The following PIP5K1B variants were observed in gnomAD, a reference collection of about 807,000 sequenced individuals.
PIP5K1B encodes the protein phosphatidylinositol-4-phosphate 5-kinase type 1 beta.
A neutral mutation model predicts 67.0 loss-of-function variants in PIP5K1B; 42 were observed. That is an observed-to-expected ratio of 0.63 (90% CI 0.49 to 0.81). The LOEUF (loss-of-function observed/expected upper bound fraction) is 0.81, where lower values mean the gene tolerates loss of function less well. Ranked by LOEUF, PIP5K1B falls within the 30% of genes least tolerant of loss-of-function variation. The pLI, the probability that PIP5K1B is intolerant of heterozygous loss-of-function variation, is 0.00. For missense variants in PIP5K1B, 459 were observed against 646.3 expected, an observed-to-expected ratio of 0.71 and a Z score of 3.14; for synonymous variants, 214 against 231.4, an observed-to-expected ratio of 0.92 and a Z score of 0.68.
chr9:68,879,428 C>T (rs556068979), intron 6 of PIP5K1B, among the ~76,000 whole-genome samples: 5 of 152,086 alleles, frequency 3.3e-5, no homozygotes, highest in East Asian at 1.9e-4. Context: ...ATTAGATGGG[C>T]GTGGTGGCAC....
chr9:68,902,651 G>A (rs1156566991), intron 8 of PIP5K1B, among the ~76,000 whole-genome samples: 2 of 152,122 alleles, frequency 1.3e-5, no homozygotes, highest in Admixed American at 1.3e-4. Flanking sequence ...TATGTCATAT[G>A]GTAAGTGCGT....
rs183709983 is a variant in PIP5K1B at position 68,779,130 on chromosome 9, A to G, written c.-86+36473A>G. Among the ~76,000 whole-genome samples the G allele has an allele frequency of 9.3e-4, 118 of 127,120 alleles. No individual in the cohort carries two copies. The East Asian group carries it at 0.022, about 24-fold the overall frequency. 83.4% of individuals were successfully genotyped at this position (127,120 alleles called of 152,430 possible). On this transcript the variant is annotated intron_variant, in intron 2 of 15. Transcript: ENST00000265382. Reference sequence around the variant, plus strand: ...TGTTTGGCACATAGTAAGTATGCTGAAAAAAAAAAACCTTGACTGACTGAA... The same window carrying G: ...TGTTTGGCACATAGTAAGTATGCTGGAAAAAAAAAACCTTGACTGACTGAA...
intron 14 of PIP5K1B, among the ~76,000 whole-genome samples, chr9:68,948,009 T>C (rs1317167478): frequency 1.3e-5 from 2 of 152,192 alleles, no homozygotes; most frequent in East Asian, 3.9e-4. Flanking sequence ...TTCTGCTTTA[T>C]TACCAATACA....
At chr9:68,766,152 A>G (rs1830416310) in intron 2 of PIP5K1B, among the ~76,000 whole-genome samples, 1 of 152,176 alleles carries the variant, frequency 6.6e-6, no homozygotes, top group South Asian at 2.1e-4. Flanking sequence ...TATGTATAAT[A>G]TGGTTAAAAA....
chr9:68,930,970 C>T (rs1181736264), intron 12 of PIP5K1B, among the ~76,000 whole-genome samples: 1 of 152,110 alleles, frequency 6.6e-6, no homozygotes, highest in Non-Finnish European at 1.5e-5. Context: ...CTTGAGTTAA[C>T]TTTAAGATGT....
At chr9:68,972,356 T>G (rs902204643) in intron 14 of PIP5K1B, among the ~76,000 whole-genome samples, 1 of 152,204 alleles carries the variant, frequency 6.6e-6, no homozygotes, top group Non-Finnish European at 1.5e-5. Context: ...ATATCTGTTT[T>G]TGTACCAGTA....
At position 68,986,897 on chromosome 9, in the gene PIP5K1B, G is replaced by A. The variant is rs559349957; in HGVS notation, c.1503-4243G>A. Among the ~76,000 whole-genome samples, 7 of 152,302 alleles carry A rather than the reference G, an allele frequency of 4.6e-5. No homozygotes were observed. The East Asian group carries it at 1.4e-3, about 29-fold the overall frequency. On this transcript the variant is annotated intron_variant, in intron 14 of 15. Transcript: ENST00000265382. The stretch of plus-strand genomic sequence containing the variant: ...AATGCTGGATCACAAGAGGGCAGGA[G>A]AAAGAGAATTACTTTCTGCTGTATT...
chr9:68,822,462 A>T, intron 3 of PIP5K1B, 153 bp from the exon 4 acceptor site: 1 of 535,646 alleles, frequency 1.9e-6, no homozygotes, highest in Non-Finnish European at 3.3e-6. Flanking sequence ...CTTTTTTAGT[A>T]TTCTGAAATG....
intron 15 of PIP5K1B, among the ~76,000 whole-genome samples, chr9:69,006,327 G>A (rs117990496): frequency 1.3e-3 from 198 of 152,242 alleles, no homozygotes; most frequent in Non-Finnish European, 2.2e-3. Flanking sequence ...GAGGGCTTGC[G>A]TCATGTACAC....
intron 2 of PIP5K1B, among the ~76,000 whole-genome samples, chr9:68,787,930 G>C (rs1831722513): frequency 6.6e-6 from 1 of 152,204 alleles, no homozygotes; most frequent in Non-Finnish European, 1.5e-5. Context: ...ACCATACCCA[G>C]CCTCTTTCTA....
At chr9:68,835,792 A>G (rs1834570649) in intron 4 of PIP5K1B, among the ~76,000 whole-genome samples, 1 of 151,230 alleles carries the variant, frequency 6.6e-6, no homozygotes, top group Non-Finnish European at 1.5e-5. Context: ...TCTAACCTTC[A>G]TGGATTAAAG....
chr9:68,719,607 C>T (rs576345525), intron 1 of PIP5K1B, among the ~76,000 whole-genome samples: 3 of 152,164 alleles, frequency 2.0e-5, no homozygotes, highest in African/African-American at 7.2e-5. Flanking sequence ...ATGTGTTGTT[C>T]AGACTCAGTT....
At chr9:69,005,881 C>CT (rs1554755998) in intron 15 of PIP5K1B, among the ~76,000 whole-genome samples, 286 of 147,092 alleles carry the variant, frequency 1.9e-3, no homozygotes, top group Middle Eastern at 3.5e-3. Context: ...TCATTTCTTT[C>CT]TTTTTTTTTT....
chr9:68,714,348 A>G (rs1827534427), intron 1 of PIP5K1B, among the ~76,000 whole-genome samples: 1 of 152,166 alleles, frequency 6.6e-6, no homozygotes, highest in South Asian at 2.1e-4. Context: ...TGCACACACC[A>G]CATCTAATCC....
At chr9:68,781,002 C>T (rs751676837) in intron 2 of PIP5K1B, 1 of 1,613,620 alleles carries the variant, frequency 6.2e-7, no homozygotes, top group Non-Finnish European at 8.5e-7. Context: ...TCCATTTATT[C>T]CACTAGATGA....
chr9:68,732,294 G>A (rs1828480294), intron 1 of PIP5K1B, among the ~76,000 whole-genome samples: 1 of 152,180 alleles, frequency 6.6e-6, no homozygotes, highest in Admixed American at 6.5e-5. Flanking sequence ...TAAACAAAAT[G>A]TTGTCAAAAG....
chr9:69,005,269 C>G (rs1044396371), intron 15 of PIP5K1B, among the ~76,000 whole-genome samples: 3 of 152,018 alleles, frequency 2.0e-5, no homozygotes, highest in Non-Finnish European at 4.4e-5. Context: ...TAAATTTAAC[C>G]AATTTTATGA....
chr9:68,988,347 G>C (rs1475747156), intron 14 of PIP5K1B, among the ~76,000 whole-genome samples: 1 of 148,842 alleles, frequency 6.7e-6, no homozygotes, highest in Middle Eastern at 3.3e-3. Context: ...TTATATATTT[G>C]ATATATATTA....
intron 2 of PIP5K1B, among the ~76,000 whole-genome samples, chr9:68,804,790 G>A (rs751211258): frequency 9.2e-5 from 14 of 151,974 alleles, no homozygotes; most frequent in Non-Finnish European, 1.8e-4. Flanking sequence ...TGTTGCCTTC[G>A]TTTTCCTCTG....
Sources: allele counts gnomAD v4.1 joint callset (sites outside exome capture counted in the v4.1 genomes callset), GRCh38; gene constraint gnomAD v4.1.1; transcripts MANE v1.5; gene names NCBI Gene and HGNC (gene_info 2026-07-23, HGNC 2026-07-21).